Variants in CNTN5 observed in about 807,000 individuals in gnomAD.
CNTN5 encodes the protein contactin 5, also known as contactin-5.
Under a neutral mutation model 129.1 loss-of-function variants are expected in CNTN5, and 77 were observed. The ratio of observed to expected loss-of-function variants is 0.60; its 90% CI spans 0.50 to 0.72. CNTN5 has a LOEUF of 0.72. Among genes scored for constraint, CNTN5 ranks in the 30% least tolerant of loss-of-function variants. The pLI, the probability that CNTN5 is intolerant of heterozygous loss-of-function variation, is 0.00. For synonymous variants in CNTN5, 509 were observed against 465.6 expected, an observed-to-expected ratio of 1.09 and a Z score of -1.20; for missense variants, 1,478 against 1,328.8, an observed-to-expected ratio of 1.11 and a Z score of -1.75.
intron 17 of CNTN5, among the ~76,000 whole-genome samples, chr11:100,265,598 T>C (rs1204333186): frequency 6.6e-6 from 1 of 152,128 alleles, no homozygotes; most frequent in Admixed American, 6.6e-5. Context: ...GTTAATGCAA[T>C]TGATAATCTA....
chr11:99,849,384 T>C (rs1431505817), intron 6 of CNTN5, among the ~76,000 whole-genome samples: 1 of 151,950 alleles, frequency 6.6e-6, no homozygotes, highest in East Asian at 1.9e-4. Flanking sequence ...TATACACATA[T>C]GCATAATTAG....
At chr11:99,958,723 T>G (rs1318356682) in intron 8 of CNTN5, among the ~76,000 whole-genome samples, 1 of 152,214 alleles carries the variant, frequency 6.6e-6, no homozygotes, top group African/African-American at 2.4e-5. Context: ...TATAAGCTAT[T>G]TCTCCAAAAC....
intron 3 of CNTN5, among the ~76,000 whole-genome samples, chr11:99,687,276 A>C (rs1953836498): frequency 6.6e-6 from 1 of 152,278 alleles, no homozygotes; most frequent in South Asian, 2.1e-4. Flanking sequence ...GAGACGCTTA[A>C]TATTATATTA....
intron 1 of CNTN5, among the ~76,000 whole-genome samples, chr11:99,323,066 T>C (rs1318829586): frequency 6.6e-6 from 1 of 152,198 alleles, no homozygotes; most frequent in African/African-American, 2.4e-5. Flanking sequence ...GCAAAGGTCA[T>C]TCTTTTTCAT....
At chr11:99,412,825 T>A (rs533771193) in intron 2 of CNTN5, among the ~76,000 whole-genome samples, 1 of 152,330 alleles carries the variant, frequency 6.6e-6, no homozygotes, top group East Asian at 1.9e-4. Context: ...GGCTGTATTT[T>A]TGTTGCCCTT....
At chr11:99,835,701 G>C (rs1010907086) in intron 4 of CNTN5, among the ~76,000 whole-genome samples, 8 of 152,146 alleles carry the variant, frequency 5.3e-5, no homozygotes, top group African/African-American at 1.2e-4. Flanking sequence ...TGTGAAGAAG[G>C]CTTGGAGCTC....
At position 99,473,998 on chromosome 11, in the gene CNTN5, T is replaced by C. The variant is rs151085326; in HGVS notation, c.-70-82147T>C. ...GCTACTACTTTTTACATAAAATGGC[T>C]TTAAAAAACTACTAAGAATACTTGT... On this transcript the variant is annotated intron_variant, in intron 2 of 24. Transcript: ENST00000524871. Among the ~76,000 whole-genome samples, 36 of 152,196 alleles carry C rather than the reference T, an allele frequency of 2.4e-4. 1 individual carries two copies. The East Asian group carries it at 6.0e-3, about 25-fold the overall frequency.
At chr11:99,671,937 G>C (rs1032259096) in intron 3 of CNTN5, among the ~76,000 whole-genome samples, 14 of 152,024 alleles carry the variant, frequency 9.2e-5, no homozygotes, top group African/African-American at 3.4e-4. Flanking sequence ...GTTTGCTGAG[G>C]ACTTTCAATC....
At chr11:99,111,676 A>G (rs921669889) in intron 1 of CNTN5, among the ~76,000 whole-genome samples, 4 of 151,980 alleles carry the variant, frequency 2.6e-5, no homozygotes, top group African/African-American at 7.2e-5. Context: ...ATTTAATAAA[A>G]TGTTTGCACT....
At chr11:99,781,588 G>T (rs369543356) in intron 3 of CNTN5, among the ~76,000 whole-genome samples, 1 of 151,784 alleles carries the variant, frequency 6.6e-6, no homozygotes, top group Non-Finnish European at 1.5e-5. Flanking sequence ...GACCCTATTT[G>T]CAAGTTCTTG....
At chr11:99,910,934 A>G (rs571048697) in intron 6 of CNTN5, among the ~76,000 whole-genome samples, 53 of 152,242 alleles carry the variant, frequency 3.5e-4, no homozygotes, top group African/African-American at 1.3e-3. Context: ...GAAGACTTCA[A>G]TATGCAATCA....
chr11:100,033,065 T>C (rs1221526898), intron 9 of CNTN5, among the ~76,000 whole-genome samples: 3 of 152,228 alleles, frequency 2.0e-5, no homozygotes, highest in Non-Finnish European at 2.9e-5. Context: ...ACAAACTTTG[T>C]GGTATTTCTG....
chr11:99,667,264 C>T (rs1240411549), intron 3 of CNTN5, among the ~76,000 whole-genome samples: 9 of 150,414 alleles, frequency 6.0e-5, no homozygotes, highest in Non-Finnish European at 1.5e-5. Flanking sequence ...TAATTGCTTA[C>T]AAGCATTTTG....
chr11:100,119,807 C>T (rs1342103291), intron 13 of CNTN5, among the ~76,000 whole-genome samples: 2 of 151,814 alleles, frequency 1.3e-5, no homozygotes, highest in African/African-American at 4.8e-5. Flanking sequence ...TATCACTCCT[C>T]GCCCTTAATG....
At chr11:100,268,759 T>C (rs928254984) in intron 17 of CNTN5, among the ~76,000 whole-genome samples, 2 of 152,100 alleles carry the variant, frequency 1.3e-5, no homozygotes, top group South Asian at 2.1e-4. Context: ...TCAACATAGT[T>C]TGAAGTCATA....
At chr11:100,139,389 C>A (rs1946621147) in intron 13 of CNTN5, among the ~76,000 whole-genome samples, 1 of 152,060 alleles carries the variant, frequency 6.6e-6, no homozygotes, top group Non-Finnish European at 1.5e-5. Context: ...AAGTCAAGAG[C>A]AGAAAGTATT....
chr11:99,534,892 G>T (rs1005785894), intron 2 of CNTN5, among the ~76,000 whole-genome samples: 1 of 152,128 alleles, frequency 6.6e-6, no homozygotes, highest in Non-Finnish European at 1.5e-5. Flanking sequence ...AAGCATTCTA[G>T]ATTTACCCAA....
intron 3 of CNTN5, among the ~76,000 whole-genome samples, chr11:99,714,768 G>T (rs1011184079): frequency 6.6e-6 from 1 of 151,298 alleles, no homozygotes; most frequent in East Asian, 2.0e-4. Context: ...ATTGAAAAGG[G>T]ATTATCATTT....
intron 17 of CNTN5, among the ~76,000 whole-genome samples, chr11:100,259,446 C>T (rs1464581033): frequency 6.6e-6 from 1 of 152,076 alleles, no homozygotes; most frequent in Non-Finnish European, 1.5e-5. Context: ...CCAAGCAGAC[C>T]TAATAAACAT....
Sources: gnomAD v4.1 joint callset for allele counts (sites outside exome capture counted in the v4.1 genomes callset) on GRCh38, gnomAD v4.1.1 for gene constraint, MANE v1.5 for transcripts, NCBI Gene and HGNC (gene_info 2026-07-23, HGNC 2026-07-21) for gene names.